Variants in DNAH11 observed in about 807,000 individuals in gnomAD.
DNAH11 encodes axonemal beta dynein heavy chain 11.
A neutral mutation model predicts 526.0 loss-of-function variants in DNAH11; 442 were observed. That is an observed-to-expected ratio of 0.84 (90% CI 0.78 to 0.91). DNAH11 has a LOEUF of 0.91. Ranked by LOEUF, DNAH11 falls within the 40% of genes least tolerant of loss-of-function variation. The pLI is 0.00. For synonymous variants in DNAH11, 2,461 were observed against 1,935.9 expected, an observed-to-expected ratio of 1.27 and a Z score of -7.12; for missense variants, 6,989 against 5,448.7, an observed-to-expected ratio of 1.28 and a Z score of -8.90.
At chr7:21,858,890 T>G (rs139561162) in intron 68 of DNAH11, among the ~76,000 whole-genome samples, 36 of 152,272 alleles carry the variant, frequency 2.4e-4, no homozygotes, top group African/African-American at 8.2e-4. Context: ...AAAACTGATT[T>G]TAAGAAAGTG....
chr7:21,559,816 A>G (rs1554309600), intron 4 of DNAH11, 24 bp downstream of exon 4: 3 of 1,553,354 alleles, frequency 1.9e-6, no homozygotes, highest in Non-Finnish European at 2.6e-6. Context: ...CCTAGAAATT[A>G]TAAATTAAAT....
At chr7:21,889,653 G>A (rs1043542737) in intron 76 of DNAH11, among the ~76,000 whole-genome samples, 1 of 152,164 alleles carries the variant, frequency 6.6e-6, no homozygotes, top group Non-Finnish European at 1.5e-5. Flanking sequence ...GACTAACAAT[G>A]TTGAACATCC....
intron 7 of DNAH11, 35 bp downstream of exon 7, chr7:21,570,334 AGGTGGGTGC>A (rs1450289032): frequency 1.9e-6 from 3 of 1,546,394 alleles, no homozygotes; most frequent in Admixed American, 3.8e-5. Flanking sequence ...TTCATGTTGA[AGGTGGGTGC>A]AAAAAGCCAG....
chr7:21,573,207 C>T (rs1375533292), intron 8 of DNAH11, among the ~76,000 whole-genome samples: 2 of 152,190 alleles, frequency 1.3e-5, no homozygotes, highest in Non-Finnish European at 1.5e-5. Context: ...CTGCCTAAAG[C>T]CTGCATAGTC....
intron 45 of DNAH11, among the ~76,000 whole-genome samples, chr7:21,733,335 C>G (rs1284654629): frequency 6.6e-6 from 1 of 152,168 alleles, no homozygotes. Flanking sequence ...TTGCAGTGAG[C>G]TGAGATCGTG....
At chr7:21,623,646 T>C (rs930251074) in intron 25 of DNAH11, among the ~76,000 whole-genome samples, 2 of 152,066 alleles carry the variant, frequency 1.3e-5, no homozygotes, top group African/African-American at 2.4e-5. Context: ...TAAAAAATGA[T>C]GAGTTCATGT....
At chr7:21,827,914 T>G (rs959981563) in intron 65 of DNAH11, among the ~76,000 whole-genome samples, 1 of 152,140 alleles carries the variant, frequency 6.6e-6, no homozygotes, top group Non-Finnish European at 1.5e-5. Flanking sequence ...TAGAATGTAC[T>G]TTCTTGAGCT....
rs1562488719 is a variant in DNAH11, at chr7:21,683,658, T to C, written c.5461-126T>C. On this transcript the variant is annotated intron_variant, in intron 31 of 81. Transcript: ENST00000409508. Reference sequence around the variant, plus strand: ...ATGTATATGCTATTATAATTTGCAATAGCGTGCAAGAGATTTCCTATTTAT... The same window carrying C: ...ATGTATATGCTATTATAATTTGCAACAGCGTGCAAGAGATTTCCTATTTAT... 3 of 1,013,474 alleles carry C rather than the reference T, an allele frequency of 3.0e-6. No individual in the cohort carries two copies. In the East Asian group the frequency reaches 7.8e-5, roughly 26 times the overall value. 62.8% of individuals were successfully genotyped at this position (1,013,474 alleles called of 1,614,324 possible).
chr7:21,823,425 T>A (rs1790139688), intron 65 of DNAH11, among the ~76,000 whole-genome samples: 1 of 152,198 alleles, frequency 6.6e-6, no homozygotes, highest in Admixed American at 6.5e-5. Context: ...GTTATTTTAC[T>A]TAACTTTTCT....
chr7:21,842,408 G>T, intron 65 of DNAH11, 136 bp from the exon 66 acceptor site: 1 of 626,992 alleles, frequency 1.6e-6, no homozygotes, highest in South Asian at 3.1e-5. Flanking sequence ...TAGGAAATTT[G>T]GGAGTAGCTG....
At chr7:21,648,350 C>T (rs1412678373) in intron 28 of DNAH11, among the ~76,000 whole-genome samples, 3 of 152,208 alleles carry the variant, frequency 2.0e-5, no homozygotes, top group Non-Finnish European at 2.9e-5. Flanking sequence ...AACTAGTTCT[C>T]CATTTGGGTT....
At position 21,704,820 on chromosome 7, in the gene DNAH11, G is replaced by A. The variant is rs79276957; in HGVS notation, c.6468+192G>A. ...ACATTTAAGTAGCCCCTCTCCGTAA[G>A]GTGAAAACATAGATATGATTTTCAT... On this transcript the variant is annotated intron_variant, in intron 38 of 81. Coordinates refer to ENST00000409508, the MANE Select transcript of DNAH11 (RefSeq NM_001277115.2). Among the ~76,000 whole-genome samples, 3,810 of 152,234 alleles carry A rather than the reference G, an allele frequency of 0.025. 163 individuals carry two copies. Among genetic ancestry groups the A allele is most frequent in the African/African-American group, 0.085 (3,516 of 41,514 alleles).
intron 65 of DNAH11, among the ~76,000 whole-genome samples, chr7:21,825,942 G>C (rs1440467756): frequency 6.7e-6 from 1 of 149,770 alleles, no homozygotes; most frequent in East Asian, 1.9e-4. Flanking sequence ...CTGGGCGAAG[G>C]AGTGAGACTC....
At chr7:21,560,418 G>A (rs1393369712) in intron 4 of DNAH11, among the ~76,000 whole-genome samples, 1 of 152,174 alleles carries the variant, frequency 6.6e-6, no homozygotes, top group Non-Finnish European at 1.5e-5. Flanking sequence ...TGAGGAGCAA[G>A]GGAGCCAGTT....
chr7:21,811,595 T>G (rs10950877), intron 63 of DNAH11, among the ~76,000 whole-genome samples: 1 of 151,878 alleles, frequency 6.6e-6, no homozygotes, highest in Non-Finnish European at 1.5e-5. Context: ...TATTGTTTAA[T>G]AGGTATGTTT....
rs1468481654 is a variant in DNAH11 at position 21,901,260 on chromosome 7, C to T, written c.*6C>T. 3 of 1,596,876 alleles carry T rather than the reference C, an allele frequency of 1.9e-6. No homozygotes were observed. Among genetic ancestry groups the T allele is most frequent in the South Asian group, 2.3e-5 (2 of 87,360 alleles). On this transcript the variant is annotated 3_prime_UTR_variant, in exon 82 of 82. Coordinates refer to ENST00000409508, the MANE Select transcript of DNAH11 (RefSeq NM_001277115.2). ...CTCTGCTTCTAGAAGCGTAAGGTAA[C>T]ACTGGCATTCCTCTAGCCTCTGCTG...
chr7:21,810,345 A>C (rs1007421755), intron 63 of DNAH11, among the ~76,000 whole-genome samples: 3 of 152,176 alleles, frequency 2.0e-5, no homozygotes, highest in Non-Finnish European at 2.9e-5. Flanking sequence ...CTGTCATCTC[A>C]GTTGATTAAA....
In DNAH11 at chr7:21,601,502, G is replaced by T. The variant is rs1248235821; in HGVS notation, c.3532G>T (p.Ala1178Ser). The change falls in exon 18 of 82, where the codon GCT (alanine) becomes TCT (serine). Residue 1178 changes from alanine to serine, a missense_variant. By Grantham distance (99) the Ala-to-Ser change is moderately conservative. Transcript: ENST00000409508. ...GLVDIMVHLL[A>S]VRSRQRATDE... ...AGTTGACATCATGGTGCATCTTCTG[G>T]CTGTAAGAAGCCGACAGAGAGCTAC... 6.2e-7 allele frequency: 1 copy of T among 1,613,784 alleles called. No individual in the cohort carries two copies. Among genetic ancestry groups the T allele is most frequent in the Non-Finnish European group, 8.5e-7 (1 of 1,179,798 alleles).
chr7:21,555,231 A>T (rs961971702), intron 2 of DNAH11, among the ~76,000 whole-genome samples: 3 of 152,198 alleles, frequency 2.0e-5, no homozygotes, highest in Non-Finnish European at 4.4e-5. Flanking sequence ...AGGCCACAAG[A>T]CCAAAGGCTT....
Sources: gnomAD v4.1 joint callset for allele counts (sites outside exome capture counted in the v4.1 genomes callset) on GRCh38, gnomAD v4.1.1 for gene constraint, MANE v1.5 for transcripts, NCBI Gene and HGNC (gene_info 2026-07-23, HGNC 2026-07-21) for gene names.